The following PLXDC2 variants were observed in gnomAD, a reference collection of about 807,000 sequenced individuals.
The protein encoded by PLXDC2 is plexin domain-containing protein 2.
PLXDC2 carries 40 observed loss-of-function variants against 68.9 expected under a neutral mutation model. The ratio of observed to expected loss-of-function variants is 0.58; its 90% CI spans 0.45 to 0.76. The LOEUF (loss-of-function observed/expected upper bound fraction) is 0.76, where lower values mean the gene tolerates loss of function less well. PLXDC2 is among the 30% of genes least tolerant of loss of function. The pLI is 0.00. For missense variants in PLXDC2, 644 were observed against 661.9 expected (o/e 0.97, Z 0.30); for synonymous variants, 243 against 234.2 (o/e 1.04, Z -0.34).
At position 20,169,716 on chromosome 10, in the gene PLXDC2, G is replaced by T. The variant is rs532682901; in HGVS notation, c.883+5149G>T. Among the ~76,000 whole-genome samples, 3 of 152,212 alleles carry T rather than the reference G, an allele frequency of 2.0e-5. No individual in the cohort carries two copies. The South Asian group carries it at 6.2e-4, about 32-fold the overall frequency. On this transcript the variant is annotated intron_variant, in intron 7 of 13. Coordinates refer to ENST00000377252, the MANE Select transcript of PLXDC2 (RefSeq NM_032812.9). ...AACTCAGAAAATCCACTCATGCCAT[G>T]TGGTTCTTTAATTTGGAACAGATAA... is the stretch of plus-strand genomic sequence containing the variant.
chr10:20,134,894 T>C (rs1228197735), intron 4 of PLXDC2, among the ~76,000 whole-genome samples: 1 of 152,100 alleles, frequency 6.6e-6, no homozygotes. Flanking sequence ...AGTGTTGGGG[T>C]CTACAGCGAA....
intron 1 of PLXDC2, among the ~76,000 whole-genome samples, chr10:19,829,685 G>C (rs1173538414): frequency 6.6e-6 from 1 of 152,034 alleles, no homozygotes; most frequent in Non-Finnish European, 1.5e-5. Context: ...CCGAGATCAT[G>C]CCACTGCACT....
In PLXDC2 at chr10:19,816,829, T is replaced by C; in HGVS notation, c.-251T>C. ...TCCTCCCCGCGGTTGTTGTTCAGTGTCGGGTGAGGGCTGCGAGTGTGGCAA... is the reference window on the plus strand; with the variant it reads ...TCCTCCCCGCGGTTGTTGTTCAGTGCCGGGTGAGGGCTGCGAGTGTGGCAA... On this transcript the variant is annotated 5_prime_UTR_variant, in exon 1 of 14. Transcript: ENST00000377252. 1.8e-6 allele frequency: 1 copy of C among 555,752 alleles called. No individual in the cohort carries two copies. The allele number at this position is 555,752 out of a possible 1,614,324, so 34.4% of individuals were successfully genotyped here.
At chr10:19,839,891 A>T (rs1055796679) in intron 1 of PLXDC2, among the ~76,000 whole-genome samples, 2 of 152,216 alleles carry the variant, frequency 1.3e-5, no homozygotes, top group African/African-American at 4.8e-5. Flanking sequence ...ACTTGCTTTC[A>T]TTCTAAATAG....
At chr10:19,874,602 G>T (rs1405744213) in intron 1 of PLXDC2, among the ~76,000 whole-genome samples, 1 of 152,224 alleles carries the variant, frequency 6.6e-6, no homozygotes, top group Non-Finnish European at 1.5e-5. Context: ...TCATATGCTT[G>T]AGAACAGGAT....
chr10:20,219,388 T>C (rs150295537), intron 12 of PLXDC2, among the ~76,000 whole-genome samples: 1 of 152,262 alleles, frequency 6.6e-6, no homozygotes, highest in Non-Finnish European at 1.5e-5. Flanking sequence ...TGTTGTATTA[T>C]AGTGGTGTGT....
intron 1 of PLXDC2, among the ~76,000 whole-genome samples, chr10:19,906,426 A>G (rs910434457): frequency 1.1e-4 from 17 of 152,220 alleles, no homozygotes; most frequent in Non-Finnish European, 2.4e-4. Context: ...ATGCAGAAAT[A>G]AACAGGTGAG....
intron 1 of PLXDC2, among the ~76,000 whole-genome samples, chr10:19,845,400 G>T (rs920421335): frequency 6.6e-6 from 1 of 152,104 alleles, no homozygotes; most frequent in Non-Finnish European, 1.5e-5. Context: ...GTGCCATGAG[G>T]TGTTCCTTGG....
At chr10:20,210,605 T>G (rs1835056236) in intron 9 of PLXDC2, among the ~76,000 whole-genome samples, 1 of 152,166 alleles carries the variant, frequency 6.6e-6, no homozygotes, top group Admixed American at 6.5e-5. Flanking sequence ...TGCAACTGGG[T>G]GTCCCCAAGA....
chr10:19,832,877 A>T (rs917590083), intron 1 of PLXDC2, among the ~76,000 whole-genome samples: 3 of 152,216 alleles, frequency 2.0e-5, no homozygotes, highest in Non-Finnish European at 4.4e-5. Flanking sequence ...TTGACGCCAG[A>T]TGGGCTTGAG....
At chr10:20,245,597 C>G in intron 13 of PLXDC2, 92 bp downstream of exon 13, 1 of 1,393,732 alleles carries the variant, frequency 7.2e-7, no homozygotes, top group East Asian at 2.3e-5. Flanking sequence ...TACCACATGG[C>G]TTCTCCATTT....
At chr10:20,255,866 C>T (rs538874241) in intron 13 of PLXDC2, among the ~76,000 whole-genome samples, 2 of 152,070 alleles carry the variant, frequency 1.3e-5, no homozygotes, top group South Asian at 2.1e-4. Flanking sequence ...GATTATTTTA[C>T]TATATGATCT....
chr10:19,822,481 T>A (rs1836487498), intron 1 of PLXDC2, among the ~76,000 whole-genome samples: 1 of 152,124 alleles, frequency 6.6e-6, no homozygotes, highest in Non-Finnish European at 1.5e-5. Flanking sequence ...TTTCTTCAGG[T>A]ATATATACAG....
chr10:20,284,061 C>T lies in PLXDC2; in HGVS notation c.*4242C>T, dbSNP rs1281752224. 1 of 152,012 alleles carries T rather than the reference C, an allele frequency of 6.6e-6. No individual in the cohort carries two copies. 9.4% of individuals were successfully genotyped at this position (152,012 alleles called of 1,614,324 possible). Reference sequence around the variant, plus strand: ...AAAGGTTTTGCCAGGATCCACAGATCGCTTCAAGATGCTTTCGTTTATGAT... The same window carrying T: ...AAAGGTTTTGCCAGGATCCACAGATTGCTTCAAGATGCTTTCGTTTATGAT... On this transcript the variant is annotated 3_prime_UTR_variant, in exon 14 of 14. Coordinates refer to ENST00000377252, the MANE Select transcript of PLXDC2 (RefSeq NM_032812.9).
At chr10:19,869,056 A>G (rs1029363529) in intron 1 of PLXDC2, among the ~76,000 whole-genome samples, 4 of 152,140 alleles carry the variant, frequency 2.6e-5, no homozygotes, top group African/African-American at 9.7e-5. Flanking sequence ...TTAGAGTTAG[A>G]GAACTCAGGG....
intron 3 of PLXDC2, among the ~76,000 whole-genome samples, chr10:20,061,026 T>C (rs563513587): frequency 3.1e-4 from 47 of 152,306 alleles, no homozygotes; most frequent in East Asian, 7.7e-4. Flanking sequence ...TTCAGACTTA[T>C]AAAAAACTTG....
chr10:20,023,274 A>T (rs1835343911), intron 2 of PLXDC2, among the ~76,000 whole-genome samples: 1 of 152,046 alleles, frequency 6.6e-6, no homozygotes, highest in African/African-American at 2.4e-5. Context: ...TCATTTATTC[A>T]CATTTTACTC....
At chr10:20,204,054 A>G (rs1834958218) in intron 9 of PLXDC2, among the ~76,000 whole-genome samples, 1 of 152,032 alleles carries the variant, frequency 6.6e-6, no homozygotes, top group Non-Finnish European at 1.5e-5. Context: ...AGAGCAGTAT[A>G]TAATAAATGG....
chr10:19,833,512 G>A (rs914550964), intron 1 of PLXDC2, among the ~76,000 whole-genome samples: 46 of 152,156 alleles, frequency 3.0e-4, no homozygotes, highest in African/African-American at 1.1e-3. Flanking sequence ...GAACACTCAA[G>A]GAGTTTATTT....
Sources: gnomAD v4.1 joint callset for allele counts (sites outside exome capture counted in the v4.1 genomes callset) on GRCh38, gnomAD v4.1.1 for gene constraint, MANE v1.5 for transcripts, NCBI Gene and HGNC (gene_info 2026-07-23, HGNC 2026-07-21) for gene names.